The following RANBP2 variants were observed in gnomAD, a reference collection of about 807,000 sequenced individuals.
RANBP2 encodes RAN binding protein 2.
In RANBP2, 57 loss-of-function variants were observed where a neutral mutation model predicts 303.6. The ratio of observed to expected loss-of-function variants is 0.19; its 90% CI spans 0.15 to 0.23. The LOEUF is 0.23. RANBP2 is among the 10% of genes least tolerant of loss of function. The pLI, the probability that RANBP2 is intolerant of heterozygous loss-of-function variation, is 1.00. For synonymous variants in RANBP2, 1,167 were observed against 1,301.5 expected, an observed-to-expected ratio of 0.90 and a Z score of 2.23; for missense variants, 3,138 against 3,780.8, an observed-to-expected ratio of 0.83 and a Z score of 4.46.
At chr2:109,294,963 G>A in the RANBP2 span, among the ~76,000 whole-genome samples, 46 of 152,352 alleles carry the variant, frequency 3.0e-4, no homozygotes, top group African/African-American at 8.4e-4. Flanking sequence ...TCTTTCAGCC[G>A]ATGTTCATTC....
the RANBP2 span, among the ~76,000 whole-genome samples, chr2:108,933,183 G>T: frequency 6.6e-6 from 1 of 152,226 alleles, no homozygotes; most frequent in Non-Finnish European, 1.5e-5. Flanking sequence ...GTTTCTAAAT[G>T]CATGAAAGCA....
the RANBP2 span, among the ~76,000 whole-genome samples, chr2:109,526,421 C>T: frequency 6.6e-6 from 1 of 152,180 alleles, no homozygotes; most frequent in Non-Finnish European, 1.5e-5. Context: ...AATTCTCGTG[C>T]CTCAGCCTTC....
the RANBP2 span, among the ~76,000 whole-genome samples, chr2:109,568,834 A>G: frequency 2.0e-4 from 30 of 152,290 alleles, no homozygotes; most frequent in African/African-American, 6.0e-4. Flanking sequence ...ACTTACTTAG[A>G]CAGCAGAGGA....
the RANBP2 span, among the ~76,000 whole-genome samples, chr2:109,423,212 C>T: frequency 6.6e-6 from 1 of 152,088 alleles, no homozygotes; most frequent in Admixed American, 6.6e-5. Context: ...TGGCCTGCAA[C>T]AGGGAAAGGG....
At chr2:109,520,919 G>A in the RANBP2 span, among the ~76,000 whole-genome samples, 1 of 142,422 alleles carries the variant, frequency 7.0e-6, no homozygotes, top group South Asian at 2.4e-4. Flanking sequence ...CTAGGTGACA[G>A]AGCAAGACTC....
the RANBP2 span, among the ~76,000 whole-genome samples, chr2:109,570,900 G>A: frequency 6.6e-6 from 1 of 152,184 alleles, no homozygotes; most frequent in East Asian, 1.9e-4. Flanking sequence ...ATACAGTCAT[G>A]TGTGGCTTAA....
the RANBP2 span, among the ~76,000 whole-genome samples, chr2:109,457,821 C>G: frequency 5.3e-5 from 8 of 152,180 alleles, no homozygotes; most frequent in Non-Finnish European, 1.2e-4. Context: ...AGCGCACACC[C>G]CATAAACTAC....
chr2:108,719,741 A>C, intron 1 of RANBP2, 63 bp downstream of exon 1: 1 of 1,547,750 alleles, frequency 6.5e-7, no homozygotes, highest in Non-Finnish European at 8.7e-7. Flanking sequence ...CGCGCTGCTC[A>C]GGCGTCATGG....
intron 23 of RANBP2, among the ~76,000 whole-genome samples, chr2:108,773,657 T>G (rs1677668153): frequency 6.6e-6 from 1 of 152,022 alleles, no homozygotes; most frequent in African/African-American, 2.4e-5. Flanking sequence ...TTTTTTTTTT[T>G]TTTGGGGGGG....
the RANBP2 span, chr2:108,895,145 G>GCAAA: frequency 4.6e-5 from 7 of 152,624 alleles, no homozygotes; most frequent in Non-Finnish European, 7.3e-5. Flanking sequence ...AAAAACAGCA[G>GCAAA]CAAACAGACA....
chr2:109,503,385 G>C, the RANBP2 span: 8 of 152,290 alleles, frequency 5.3e-5, no homozygotes, highest in African/African-American at 1.9e-4. Flanking sequence ...GTTTTGGGAC[G>C]TGACTTGGCT....
the RANBP2 span, chr2:109,574,865 A>T: frequency 3.3e-5 from 26 of 781,522 alleles, no homozygotes; most frequent in Non-Finnish European, 4.7e-5. Context: ...TTCACTAATT[A>T]ATAAACAGTT....
At chr2:108,851,180 T>C in the RANBP2 span, among the ~76,000 whole-genome samples, 1 of 152,176 alleles carries the variant, frequency 6.6e-6, no homozygotes, top group Non-Finnish European at 1.5e-5. Context: ...GAGCAAGGTA[T>C]AGGGGAAGGG....
chr2:109,345,097 G>A, the RANBP2 span, among the ~76,000 whole-genome samples: 4 of 152,156 alleles, frequency 2.6e-5, no homozygotes, highest in East Asian at 1.9e-4. Flanking sequence ...TGTGTGTCTC[G>A]CAGTGTCTCT....
At chr2:109,207,142 G>T in the RANBP2 span, among the ~76,000 whole-genome samples, 4 of 152,144 alleles carry the variant, frequency 2.6e-5, no homozygotes, top group African/African-American at 9.7e-5. Flanking sequence ...ATAAACTGGG[G>T]GTGAGGGTGC....
chr2:109,002,189 G>A, the RANBP2 span, among the ~76,000 whole-genome samples: 67 of 152,324 alleles, frequency 4.4e-4, 1 homozygote, highest in Non-Finnish European at 1.3e-4. Flanking sequence ...CCAAGAGGCC[G>A]ACCAATGCAG....
At chr2:108,898,003 A>T in the RANBP2 span, among the ~76,000 whole-genome samples, 13,406 of 152,202 alleles carry the variant, frequency 0.088, 815 homozygotes, top group African/African-American at 0.16. Flanking sequence ...AAAAGTCCAA[A>T]AATCTGGAAA....
the RANBP2 span, among the ~76,000 whole-genome samples, chr2:109,050,182 A>T: frequency 1.3e-5 from 2 of 152,226 alleles, 1 homozygote; most frequent in Middle Eastern, 6.3e-3. Context: ...AATTGATTGC[A>T]TGTTGGAATA....
the RANBP2 span, among the ~76,000 whole-genome samples, chr2:109,481,545 T>G: frequency 1.4e-3 from 208 of 152,190 alleles, 1 homozygote; most frequent in African/African-American, 4.5e-3. Flanking sequence ...TGTAGATGCG[T>G]AGCTGGCTGT....
Sources: allele counts gnomAD v4.1 joint callset (sites outside exome capture counted in the v4.1 genomes callset), GRCh38; gene constraint gnomAD v4.1.1; transcripts MANE v1.5; gene names NCBI Gene and HGNC (gene_info 2026-07-23, HGNC 2026-07-21).